GRB10: variants seen among roughly 807,000 people sequenced by gnomAD.
GRB10 encodes growth factor receptor bound protein 10.
In GRB10, 20 loss-of-function variants were observed where a neutral mutation model predicts 80.9. The ratio of observed to expected loss-of-function variants is 0.25; its 90% confidence interval spans 0.17 to 0.36. The LOEUF is 0.36. Among genes scored for constraint, GRB10 ranks in the 10% least tolerant of loss-of-function variants. The pLI is 1.00. For missense variants in GRB10, 548 were observed against 747.7 expected (o/e 0.73, Z 3.12); for synonymous variants, 291 against 291.5 (o/e 1.00, Z 0.02).
chr7:50,618,047 C>T (rs1486084990), intron 10 of GRB10, 24 bp downstream of exon 10: 1 of 1,580,202 alleles, frequency 6.3e-7, no homozygotes. Context: ...TCTATTTCAG[C>T]AGAGATCTAT....
intron 3 of GRB10, among the ~76,000 whole-genome samples, chr7:50,744,309 C>T (rs1441577921): frequency 6.6e-6 from 1 of 152,118 alleles, no homozygotes; most frequent in African/African-American, 2.4e-5. Context: ...TCAGGTGCTC[C>T]AGAGATCAAA....
chr7:50,623,137 G>T (rs953717921), intron 8 of GRB10, among the ~76,000 whole-genome samples: 1 of 152,170 alleles, frequency 6.6e-6, no homozygotes, highest in Non-Finnish European at 1.5e-5. Context: ...CCCCATTCTG[G>T]CAGCCTCAGC....
At chr7:50,715,849 G>A (rs1184730119) in intron 4 of GRB10, among the ~76,000 whole-genome samples, 1 of 152,194 alleles carries the variant, frequency 6.6e-6, no homozygotes, top group Non-Finnish European at 1.5e-5. Flanking sequence ...TCATACATTT[G>A]ACAACAGGCA....
intron 2 of GRB10, among the ~76,000 whole-genome samples, chr7:50,774,321 A>G (rs915972809): frequency 6.6e-6 from 1 of 152,258 alleles, no homozygotes; most frequent in African/African-American, 2.4e-5. Context: ...TGAACACTAT[A>G]TACAATGTAT....
At chr7:50,652,733 C>G (rs777355893) in intron 7 of GRB10, among the ~76,000 whole-genome samples, 1 of 152,222 alleles carries the variant, frequency 6.6e-6, no homozygotes, top group Non-Finnish European at 1.5e-5. Context: ...GCAGACACCA[C>G]GCAGACTTCG....
intron 4 of GRB10, among the ~76,000 whole-genome samples, chr7:50,730,678 G>A (rs1044152859): frequency 4.6e-5 from 7 of 152,162 alleles, no homozygotes; most frequent in African/African-American, 1.7e-4. Context: ...AAGCAGCCTG[G>A]GGCATCGGTG....
chr7:50,746,376 C>A (rs2153698841), intron 3 of GRB10, among the ~76,000 whole-genome samples: 1 of 152,296 alleles, frequency 6.6e-6, no homozygotes, highest in South Asian at 2.1e-4. Context: ...GCACTGAATG[C>A]ATTTTCAACT....
At chr7:50,749,076 C>A (rs1001820054) in intron 3 of GRB10, among the ~76,000 whole-genome samples, 1 of 151,418 alleles carries the variant, frequency 6.6e-6, no homozygotes, top group African/African-American at 2.4e-5. Flanking sequence ...TTTACAAACA[C>A]GTTAGTCAAT....
chr7:50,622,150 C>T (rs2051889584), intron 8 of GRB10, among the ~76,000 whole-genome samples: 1 of 152,356 alleles, frequency 6.6e-6, no homozygotes, highest in East Asian at 1.9e-4. Flanking sequence ...AAGAAACTGT[C>T]AACAGAGTAA....
upstream of GRB10, among the ~76,000 whole-genome samples, chr7:50,784,810 T>C (rs2078624653): frequency 6.6e-6 from 1 of 152,210 alleles, no homozygotes; most frequent in Non-Finnish European, 1.5e-5. Context: ...TGAAGCCTGA[T>C]GATATACTCA....
At chr7:50,633,660 A>G (rs2054415967) in intron 7 of GRB10, among the ~76,000 whole-genome samples, 1 of 151,946 alleles carries the variant, frequency 6.6e-6, no homozygotes, top group African/African-American at 2.4e-5. Flanking sequence ...AAAAACCAGA[A>G]GAGTAATTCT....
intron 7 of GRB10, among the ~76,000 whole-genome samples, chr7:50,664,298 C>G (rs975901037): frequency 1.3e-5 from 2 of 152,222 alleles, no homozygotes; most frequent in African/African-American, 4.8e-5. Flanking sequence ...ACACATGGCT[C>G]CCCTCAGCCT....
At chr7:50,789,468 G>C (rs1279185997) in intron 1 of GRB10, among the ~76,000 whole-genome samples, 1 of 152,200 alleles carries the variant, frequency 6.6e-6, no homozygotes, top group African/African-American at 2.4e-5. Flanking sequence ...TGGTTCACTT[G>C]TTCAGCCTGG....
intron 7 of GRB10, among the ~76,000 whole-genome samples, chr7:50,643,734 A>C (rs1182597076): frequency 6.6e-6 from 1 of 152,210 alleles, no homozygotes; most frequent in Non-Finnish European, 1.5e-5. Flanking sequence ...ATGAGTCTCA[A>C]ATGGTCCAAA....
chr7:50,597,356 G>A (rs941953826), intron 17 of GRB10, among the ~76,000 whole-genome samples: 5 of 152,226 alleles, frequency 3.3e-5, no homozygotes, highest in East Asian at 3.8e-4. Flanking sequence ...TGGGGAACAC[G>A]CGGCACCGCC....
intron 7 of GRB10, among the ~76,000 whole-genome samples, chr7:50,666,795 C>A (rs1192916664): frequency 1.3e-5 from 2 of 152,020 alleles, no homozygotes; most frequent in African/African-American, 4.8e-5. Flanking sequence ...AATCCCAGCA[C>A]TTTGGGAGGC....
At chr7:50,610,438 G>A (rs191809861) in intron 13 of GRB10, among the ~76,000 whole-genome samples, 3 of 152,200 alleles carry the variant, frequency 2.0e-5, no homozygotes, top group Non-Finnish European at 2.9e-5. Context: ...TACCTAAGAC[G>A]TATCCTTAAT....
At chr7:50,618,191 G>A in intron 9 of GRB10, 52 bp from the exon 10 acceptor site, 1 of 1,340,132 alleles carries the variant, frequency 7.5e-7, no homozygotes, top group South Asian at 1.2e-5. Context: ...CAAAGTGAGG[G>A]AAGGTATGTC....
intron 7 of GRB10, among the ~76,000 whole-genome samples, chr7:50,659,425 C>T (rs2058993839): frequency 6.6e-6 from 1 of 152,118 alleles, no homozygotes; most frequent in African/African-American, 2.4e-5. Flanking sequence ...CTAGCCAAGC[C>T]CCCCTTTGAA....
Sources: allele counts gnomAD v4.1 joint callset (sites outside exome capture counted in the v4.1 genomes callset), GRCh38; gene constraint gnomAD v4.1.1; transcripts MANE v1.5; gene names NCBI Gene and HGNC (gene_info 2026-07-23, HGNC 2026-07-21).